FBXL4: variants seen among roughly 807,000 people sequenced by gnomAD.
FBXL4 encodes the protein F-box/LRR-repeat protein 4.
In FBXL4, 40 loss-of-function variants were observed where a neutral mutation model predicts 58.9. The observed-to-expected ratio is 0.68, with a 90% confidence interval of 0.53 to 0.88. The LOEUF is 0.88. Ranked by LOEUF, FBXL4 falls within the 40% of genes least tolerant of loss-of-function variation. FBXL4 has a pLI of 0.00. For synonymous variants in FBXL4, 263 were observed against 265.5 expected (o/e 0.99, Z 0.09); for missense variants, 676 against 734.4 (o/e 0.92, Z 0.92).
chr6:98,909,008 C>T (rs201803916), intron 5 of FBXL4, among the ~76,000 whole-genome samples: 153 of 151,992 alleles, frequency 1.0e-3, no homozygotes, highest in Non-Finnish European at 1.8e-3. Context: ...TTTAGGCAAA[C>T]TTCAATTTTA....
intron 5 of FBXL4, among the ~76,000 whole-genome samples, chr6:98,914,288 A>G (rs1190998139): frequency 6.6e-6 from 1 of 152,226 alleles, no homozygotes; most frequent in Non-Finnish European, 1.5e-5. Context: ...TCAATAGAAA[A>G]AGAGGGAATC....
intron 7 of FBXL4, among the ~76,000 whole-genome samples, chr6:98,883,096 T>C (rs977279198): frequency 6.6e-5 from 10 of 152,010 alleles, no homozygotes; most frequent in Admixed American, 4.6e-4. Context: ...TTTACCAACA[T>C]ACGTAGACTT....
At chr6:98,934,223 A>G (rs1773116261) in intron 2 of FBXL4, among the ~76,000 whole-genome samples, 1 of 152,200 alleles carries the variant, frequency 6.6e-6, no homozygotes, top group Non-Finnish European at 1.5e-5. Context: ...TTAAAACAGT[A>G]CGTTGATTAT....
At chr6:98,938,759 T>C (rs1325212923) in intron 1 of FBXL4, among the ~76,000 whole-genome samples, 1 of 152,034 alleles carries the variant, frequency 6.6e-6, no homozygotes, top group Non-Finnish European at 1.5e-5. Flanking sequence ...CATTTTTTTT[T>C]TCCAGAATAG....
chr6:98,880,395 T>A (rs1770809531), intron 8 of FBXL4, among the ~76,000 whole-genome samples, 158 bp downstream of exon 8: 1 of 152,180 alleles, frequency 6.6e-6, no homozygotes, highest in African/African-American at 2.4e-5. Flanking sequence ...TACTTTCCAA[T>A]TTAAGAAAAA....
intron 1 of FBXL4, 55 bp from the exon 2 acceptor site, chr6:98,934,934 G>A (rs1412765697): frequency 1.3e-5 from 2 of 152,180 alleles, no homozygotes; most frequent in African/African-American, 2.4e-5. Flanking sequence ...CACTCTCTTC[G>A]AGGAATCAAG....
chr6:98,896,681 TATG>T (rs1411906239), intron 7 of FBXL4: 4 of 718,890 alleles, frequency 5.6e-6, no homozygotes, highest in African/African-American at 1.9e-5. Flanking sequence ...ACGTAGTGTT[TATG>T]ATATTTTACC....
intron 4 of FBXL4, among the ~76,000 whole-genome samples, chr6:98,920,053 G>T (rs192482589): frequency 5.0e-4 from 76 of 152,142 alleles, no homozygotes; most frequent in African/African-American, 1.8e-3. Flanking sequence ...AATAACCTCT[G>T]CCAAGTTCTT....
At position 98,926,917 on chromosome 6, in the gene FBXL4, C is replaced by A. The variant is rs1306522317; in HGVS notation, c.72G>T (p.Arg24Ser). 1.9e-6 allele frequency: 3 copies of A among 1,614,108 alleles called. No individual in the cohort carries two copies. In the Admixed American group the frequency reaches 5.0e-5, roughly 27 times the overall value. The part of the protein sequence containing the change: ...FYYICLRRRA[R>S]TATRGEMMNT... ...TCATCATTTCTCCTCTTGTAGCTGT[C>A]CTGGCTCGGCGCCGAAGGCATATAT... The change falls in exon 4 of 10, where the codon AGG becomes AGT. Residue 24 changes from arginine to serine, a missense_variant. Arg to Ser is a moderately radical substitution (Grantham distance 110). Coordinates refer to ENST00000369244, the MANE Select transcript of FBXL4 (RefSeq NM_001278716.2).
chr6:98,900,680 A>G (rs1050860165), intron 6 of FBXL4, among the ~76,000 whole-genome samples: 23 of 152,220 alleles, frequency 1.5e-4, no homozygotes, highest in African/African-American at 5.3e-4. Flanking sequence ...AACATTAAGT[A>G]TAAGTTAAAT....
intron 7 of FBXL4, among the ~76,000 whole-genome samples, chr6:98,891,323 A>G (rs1410931662): frequency 1.3e-5 from 2 of 152,216 alleles, no homozygotes; most frequent in African/African-American, 4.8e-5. Context: ...ACCCTAGACC[A>G]CAGACTCAGA....
rs1403959971 is a variant in FBXL4 at position 98,870,266 on chromosome 6, G to A, written c.*4012C>T. 6.6e-6 allele frequency: 1 copy of A among 152,142 alleles called. No individual in the cohort carries two copies. The highest frequency in any genetic ancestry group is 1.5e-5 in the Non-Finnish European group (1 of 68,036). 9.4% of individuals were successfully genotyped at this position (152,142 alleles called of 1,614,324 possible). ...CTGACTCGAAAATACTCTGGAATAG[G>A]GGTCACAAATTTGGTCCACAAGCCA... On this transcript the variant is annotated 3_prime_UTR_variant, in exon 10 of 10. Transcript: ENST00000369244.
intron 5 of FBXL4, among the ~76,000 whole-genome samples, chr6:98,915,478 A>T (rs1347985899): frequency 2.0e-5 from 3 of 151,844 alleles, no homozygotes; most frequent in African/African-American, 7.2e-5. Context: ...AGAGATATAG[A>T]TCAATGGAAC....
chr6:98,888,304 T>A (rs1771108634), intron 7 of FBXL4, among the ~76,000 whole-genome samples: 1 of 152,206 alleles, frequency 6.6e-6, no homozygotes, highest in Admixed American at 6.5e-5. Context: ...CAGGATTGAG[T>A]AGCTGTGATA....
At chr6:98,916,019 C>T (rs1200270217) in intron 5 of FBXL4, among the ~76,000 whole-genome samples, 2 of 152,172 alleles carry the variant, frequency 1.3e-5, no homozygotes, top group Non-Finnish European at 2.9e-5. Flanking sequence ...TATGAACAGA[C>T]ACTTCTCAAA....
At chr6:98,881,031 T>G (rs1225935803) in intron 7 of FBXL4, among the ~76,000 whole-genome samples, 1 of 152,114 alleles carries the variant, frequency 6.6e-6, no homozygotes. Context: ...GTGACACTCC[T>G]GAAGAATGGC....
At chr6:98,888,825 T>G (rs1217795485) in intron 7 of FBXL4, among the ~76,000 whole-genome samples, 1 of 152,194 alleles carries the variant, frequency 6.6e-6, no homozygotes, top group South Asian at 2.1e-4. Flanking sequence ...ATACTCTAGG[T>G]GCATGCTGTC....
chr6:98,880,665 A>T, intron 7 of FBXL4, 41 bp from the exon 8 acceptor site: 1 of 1,532,298 alleles, frequency 6.5e-7, no homozygotes, highest in Non-Finnish European at 9.0e-7. Flanking sequence ...ATGGAAAGTG[A>T]ATGAAAGTGA....
At chr6:98,937,334 T>C (rs922072374) in intron 1 of FBXL4, among the ~76,000 whole-genome samples, 1 of 151,970 alleles carries the variant, frequency 6.6e-6, no homozygotes. Flanking sequence ...AACTTTTGAC[T>C]CACCCAAAAC....
Sources: gnomAD v4.1 joint callset for allele counts (sites outside exome capture counted in the v4.1 genomes callset) on GRCh38, gnomAD v4.1.1 for gene constraint, MANE v1.5 for transcripts, NCBI Gene and HGNC (gene_info 2026-07-23, HGNC 2026-07-21) for gene names.